The following CDH2 variants were observed in gnomAD, a reference collection of about 807,000 sequenced individuals.
CDH2 encodes the protein cadherin-2.
Under a neutral mutation model 92.0 loss-of-function variants are expected in CDH2, and 17 were observed. The ratio of observed to expected loss-of-function variants is 0.18; its 90% CI spans 0.13 to 0.28. The LOEUF (loss-of-function observed/expected upper bound fraction) is 0.28, where lower values mean the gene tolerates loss of function less well. Ranked by LOEUF, CDH2 falls within the 10% of genes least tolerant of loss-of-function variation. The probability of loss-of-function intolerance (pLI) is 1.00; values close to 1 mark genes in which losing one functional copy is unlikely to be tolerated. For missense variants in CDH2, 862 were observed against 1,133.1 expected (o/e 0.76, Z 3.44); for synonymous variants, 419 against 415.9 (o/e 1.01, Z -0.09).
intron 2 of CDH2, among the ~76,000 whole-genome samples, chr18:28,105,097 A>C (rs2015300282): frequency 6.6e-6 from 1 of 152,140 alleles, no homozygotes. Context: ...TGGGCAAGTC[A>C]TTTAATCTTT....
At chr18:27,975,427 T>C (rs2011792542) in intron 14 of CDH2, among the ~76,000 whole-genome samples, 1 of 152,192 alleles carries the variant, frequency 6.6e-6, no homozygotes. Flanking sequence ...GTGGGACTGG[T>C]GACAGGGGTG....
chr18:27,946,684 G>C (rs1448181524), downstream of CDH2, among the ~76,000 whole-genome samples: 1 of 151,832 alleles, frequency 6.6e-6, no homozygotes, highest in Non-Finnish European at 1.5e-5. Context: ...CTAACGTTGA[G>C]CAAAATATTG....
At chr18:28,149,653 A>G (rs560289435) in intron 1 of CDH2, among the ~76,000 whole-genome samples, 1 of 152,334 alleles carries the variant, frequency 6.6e-6, no homozygotes, top group Admixed American at 6.5e-5. Flanking sequence ...GTAAGAAGAA[A>G]AGGAAAACAG....
intron 2 of CDH2, among the ~76,000 whole-genome samples, chr18:28,124,748 T>C (rs2144278976): frequency 6.6e-6 from 1 of 152,276 alleles, no homozygotes; most frequent in Non-Finnish European, 1.5e-5. Flanking sequence ...GGGAGAAAAC[T>C]CTAGCCCAGG....
intron 2 of CDH2, among the ~76,000 whole-genome samples, chr18:28,127,655 C>T (rs1440678310): frequency 6.6e-6 from 1 of 152,078 alleles, no homozygotes; most frequent in Non-Finnish European, 1.5e-5. Flanking sequence ...CCTGCAAATA[C>T]TTATGAATAC....
rs764864158 is a variant in CDH2 at position 28,005,853 on chromosome 18, C to A, written c.843G>T (p.Lys281Asn). Residue 281 changes from lysine to asparagine, a missense_variant, in exon 6 of 16, where the codon AAG becomes AAT. Around this residue, in one of 5 missense-constraint regions of CDH2, gnomAD observed 564 missense variants for 722.2 expected, o/e 0.78. Coordinates refer to ENST00000269141, the MANE Select transcript of CDH2 (RefSeq NM_001792.5). ...AATTATTATCTTTAAACTTACCAGG[C>A]TTTGATCCCTCAGGAACTGTCCCAT... is the stretch of plus-strand genomic sequence containing the variant. ...VWNGTVPEGSKPGTYVMTVTA... is the reference protein window; with the variant it reads ...VWNGTVPEGSNPGTYVMTVTA... The A allele has an allele frequency of 6.2e-7, 1 of 1,609,822 alleles. No individual in the cohort carries two copies. Among genetic ancestry groups the A allele is most frequent in the Non-Finnish European group, 8.5e-7 (1 of 1,177,388 alleles).
chr18:27,944,744 ACTTC>A (rs904328214), intron 6 of CDH2, among the ~76,000 whole-genome samples: 3 of 126,322 alleles, frequency 2.4e-5, no homozygotes, highest in African/African-American at 9.4e-5. Context: ...ACATAGTGAG[ACTTC>A]CTTTCTAAAA....
intron 2 of CDH2, among the ~76,000 whole-genome samples, chr18:28,117,816 AT>A (rs1472892915): frequency 6.6e-6 from 1 of 152,124 alleles, no homozygotes; most frequent in Non-Finnish European, 1.5e-5. Context: ...AGGTAAGTTT[AT>A]AATGAAGTTA....
Position 28,145,783 on chromosome 18 carries a change from C to T in CDH2, c.172+1890G>A, listed in dbSNP as rs531214323. ...CGATGCTGGTATCCTTTAACATATT[C>T]TGAGAATGATAAAGAAAAAAGTAAT... On this transcript the variant is annotated intron_variant, in intron 2 of 15. Coordinates refer to ENST00000269141, the MANE Select transcript of CDH2 (RefSeq NM_001792.5). Among the ~76,000 whole-genome samples the T allele has an allele frequency of 1.7e-4, 26 of 151,522 alleles. No homozygotes were observed. The South Asian group carries it at 3.7e-3, about 22-fold the overall frequency.
chr18:28,051,223 G>A (rs1235790535), intron 2 of CDH2, among the ~76,000 whole-genome samples: 1 of 152,168 alleles, frequency 6.6e-6, no homozygotes, highest in Non-Finnish European at 1.5e-5. Context: ...CCTCAGGGTA[G>A]TCGGGATTTC....
chr18:28,076,563 T>A (rs2014722984), intron 2 of CDH2, among the ~76,000 whole-genome samples: 1 of 152,182 alleles, frequency 6.6e-6, no homozygotes, highest in Non-Finnish European at 1.5e-5. Context: ...AATTATACTT[T>A]AAGTTCTAGG....
chr18:28,009,901 G>C (rs768300529), intron 4 of CDH2, 29 bp from the exon 5 acceptor site: 1 of 1,578,090 alleles, frequency 6.3e-7, no homozygotes, highest in Non-Finnish European at 8.6e-7. Flanking sequence ...ATGACATTAA[G>C]TGAGAGACTA....
At chr18:27,985,934 G>T (rs183152284) in intron 11 of CDH2, among the ~76,000 whole-genome samples, 173 bp from the exon 12 acceptor site, 7 of 152,186 alleles carry the variant, frequency 4.6e-5, no homozygotes, top group Admixed American at 4.6e-4. Context: ...GCCCCTTCTT[G>T]CTTCCCTGCT....
chr18:28,057,406 C>A (rs183378929), intron 2 of CDH2, among the ~76,000 whole-genome samples: 62 of 152,300 alleles, frequency 4.1e-4, no homozygotes, highest in African/African-American at 1.5e-3. Flanking sequence ...TGGCTCACGC[C>A]TGTAATCCCA....
At chr18:28,041,860 A>G (rs1042310320) in intron 2 of CDH2, among the ~76,000 whole-genome samples, 1 of 152,200 alleles carries the variant, frequency 6.6e-6, no homozygotes, top group African/African-American at 2.4e-5. Flanking sequence ...TACCATTACA[A>G]TAAATAATTC....
At chr18:28,166,149 C>CATATATATATATATATAT (rs35562216) in intron 1 of CDH2, among the ~76,000 whole-genome samples, 7,534 of 58,714 alleles carry the variant, frequency 0.13, 1,049 homozygotes, top group African/African-American at 0.17. Context: ...CAGACACACT[C>CATATATATATATATATAT]ATATATATAT....
chr18:27,985,327 G>T, intron 12 of CDH2, 94 bp from the exon 13 acceptor site: 1 of 826,128 alleles, frequency 1.2e-6, no homozygotes, highest in Non-Finnish European at 1.9e-6. Flanking sequence ...CTACCTAATA[G>T]TACACATAAA....
chr18:28,174,907 C>T (rs1053212563), intron 1 of CDH2, among the ~76,000 whole-genome samples: 3 of 152,080 alleles, frequency 2.0e-5, no homozygotes, highest in African/African-American at 7.2e-5. Flanking sequence ...CCAATGCTGT[C>T]CAAAAATTAG....
At chr18:28,158,146 G>C (rs553751188) in intron 1 of CDH2, among the ~76,000 whole-genome samples, 13 of 152,292 alleles carry the variant, frequency 8.5e-5, no homozygotes, top group African/African-American at 2.9e-4. Flanking sequence ...GATGATTTAT[G>C]TAATTCTGAG....
Sources: gnomAD v4.1 joint callset for allele counts (sites outside exome capture counted in the v4.1 genomes callset) on GRCh38, gnomAD v4.1.1 for gene constraint, gnomAD v4.1.1 regional missense constraint, MANE v1.5 for transcripts, NCBI Gene and HGNC (gene_info 2026-07-23, HGNC 2026-07-21) for gene names.